Variants in ADCY6 observed in about 807,000 individuals in gnomAD.
The protein encoded by ADCY6 is adenylate cyclase type 6.
In ADCY6, 59 loss-of-function variants were observed where a neutral mutation model predicts 111.6. The observed-to-expected ratio is 0.53, with a 90% CI of 0.43 to 0.66. The LOEUF (loss-of-function observed/expected upper bound fraction) is 0.66. ADCY6 is among the 30% of genes least tolerant of loss of function. The pLI, the probability that ADCY6 is intolerant of heterozygous loss-of-function variation, is 0.00. For synonymous variants in ADCY6, 576 were observed against 642.9 expected, an observed-to-expected ratio of 0.90 and a Z score of 1.57; for missense variants, 1,242 against 1,595.6, an observed-to-expected ratio of 0.78 and a Z score of 3.78.
Position 48,776,277 on chromosome 12 carries a change from C to T in ADCY6, c.1609G>A (p.Glu537Lys), listed in dbSNP as rs767572682. The T allele has an allele frequency of 2.5e-6, 4 of 1,614,226 alleles. No homozygotes were observed. The highest frequency in any genetic ancestry group is 3.4e-6 in the Non-Finnish European group (4 of 1,180,044). Reference sequence around the variant, plus strand: ...TGCTCCTTGAGGTACGCGTTGCGCTCGCCACCACGGCCTGGCTCCACCTCG... The same window carrying T: ...TGCTCCTTGAGGTACGCGTTGCGCTTGCCACCACGGCCTGGCTCCACCTCG... ...DYEVEPGRGG[E>K]RNAYLKEQHI... The change falls in exon 8 of 22, where the codon GAG (glutamate) becomes AAG (lysine). Residue 537 changes from glutamate (E) to lysine (K), a missense_variant. Transcript: ENST00000357869. The surrounding 1 kb of genome is among the most constrained non-coding windows in gnomAD (Gnocchi z 6.1).
intron 10 of ADCY6, 108 bp from the exon 11 acceptor site, chr12:48,775,558 G>C: frequency 6.4e-7 from 1 of 1,572,346 alleles, no homozygotes; most frequent in Non-Finnish European, 8.7e-7. Flanking sequence ...GAGCCAGGGG[G>C]GTGGCTCCTG....
In ADCY6 at chr12:48,776,674, G is replaced by T; in HGVS notation, c.1377-88C>A. The T allele has an allele frequency of 6.7e-6, 10 of 1,499,366 alleles. No homozygotes were observed. Among genetic ancestry groups the T allele is most frequent in the Non-Finnish European group, 8.9e-6 (10 of 1,123,532 alleles). 92.9% of individuals were successfully genotyped at this position (1,499,366 alleles called of 1,614,324 possible). ...GGCCCTTCACTCCTCTCAGGGCCCA[G>T]CGGGCAAGGACAGACCCAGATGCAG... is the stretch of plus-strand genomic sequence containing the variant. On this transcript the variant is annotated intron_variant, in intron 6 of 21. Transcript: ENST00000357869. This position sits in a 1 kb window ranked among gnomAD's most constrained non-coding sequence, Gnocchi z 6.1.
intron 1 of ADCY6, among the ~76,000 whole-genome samples, chr12:48,787,416 C>T (rs574821485): frequency 3.3e-5 from 5 of 152,206 alleles, no homozygotes; most frequent in South Asian, 2.1e-4. Context: ...TCTGACCCCC[C>T]CCAAGGGGAT....
At position 48,776,069 on chromosome 12, in the gene ADCY6, G is replaced by A. The variant is rs1441071275; in HGVS notation, c.1700C>T (p.Ala567Val). 1.1e-5 allele frequency: 18 copies of A among 1,613,530 alleles called. No individual in the cohort carries two copies. The highest frequency in any genetic ancestry group is 1.5e-5 in the Non-Finnish European group (18 of 1,179,738). The change falls in exon 9 of 22, where the codon GCC becomes GTC. Residue 567 changes from alanine to valine, a missense_variant. Transcript: ENST00000357869. This position sits in a 1 kb window ranked among gnomAD's most constrained non-coding sequence, Gnocchi z 6.1. ...GTTGGCCCGAGTCCGCTGCAGCTTG[G>A]CCAGCATGGCCTTCTCCTCTTTCTG... Reference protein sequence around the residue: ...QKRKEEKAMLAKLQRTRANSM... With the variant: ...QKRKEEKAMLVKLQRTRANSM...
chr12:48,777,109 G>A lies in ADCY6; in HGVS notation c.1371C>T (p.Ala457=). ...CVEMGVDMIE[A]ISLVREVTGV... Reference sequence around the variant, plus strand: ...AGGAATGGGGCACTGCTTACGAGATGGCCTCAATCATGTCTACCCCCATCT... The same window carrying A: ...AGGAATGGGGCACTGCTTACGAGATAGCCTCAATCATGTCTACCCCCATCT... The change falls in exon 6 of 22, where the codon GCC becomes GCT. Residue 457 remains alanine, a synonymous_variant. Transcript: ENST00000357869. This position sits in a 1 kb window ranked among gnomAD's most constrained non-coding sequence, Gnocchi z 4.9. The A allele has an allele frequency of 6.2e-7, 1 of 1,602,358 alleles. No homozygotes were observed. Among genetic ancestry groups the A allele is most frequent in the Non-Finnish European group, 8.5e-7 (1 of 1,174,082 alleles).
Position 48,774,715 on chromosome 12 carries a change from G to A in ADCY6, c.2142C>T (p.Ile714=), listed in dbSNP as rs750393627. ...IFLLLLITVL[I]CAVYSCGSLF... ...CAGAACCACAGGAGTACACAGCACA[G>A]ATCAGCACGGTGATTAGCAGCAGCA... The change falls in exon 13 of 22, where the codon ATC becomes ATT. Residue 714 remains isoleucine, a synonymous_variant. Coordinates refer to ENST00000357869, the MANE Select transcript of ADCY6 (RefSeq NM_015270.5). 1.2e-6 allele frequency: 2 copies of A among 1,614,176 alleles called. No individual in the cohort carries two copies. The highest frequency in any genetic ancestry group is 1.7e-6 in the Non-Finnish European group (2 of 1,180,026).
intron 2 of ADCY6, among the ~76,000 whole-genome samples, chr12:48,779,971 A>G (rs1196580694): frequency 6.6e-6 from 1 of 152,146 alleles, no homozygotes; most frequent in African/African-American, 2.4e-5. Context: ...TCCAGCTCAC[A>G]GGCCCAGGAT....
chr12:48,772,687 A>C, intron 16 of ADCY6, 144 bp from the exon 17 acceptor site: 3 of 914,932 alleles, frequency 3.3e-6, no homozygotes, highest in Non-Finnish European at 3.3e-6. Context: ...ACATTAATTA[A>C]CTCATTAAGA....
At chr12:48,775,824 C>T (rs1055632734) in intron 9 of ADCY6, 126 bp from the exon 10 acceptor site, 6 of 1,509,720 alleles carry the variant, frequency 4.0e-6, no homozygotes, top group South Asian at 1.2e-5. Flanking sequence ...CACTGGGACC[C>T]GAGATGAAAT....
chr12:48,785,575 C>T (rs967181924), intron 1 of ADCY6, among the ~76,000 whole-genome samples: 9 of 152,170 alleles, frequency 5.9e-5, no homozygotes, highest in African/African-American at 1.7e-4. Flanking sequence ...GCTGAGATCA[C>T]ACCATTGCGC....
chr12:48,774,172 C>T, intron 14 of ADCY6, 74 bp from the exon 15 acceptor site: 2 of 1,423,452 alleles, frequency 1.4e-6, no homozygotes, highest in Non-Finnish European at 1.9e-6. Flanking sequence ...AAGCCATGTA[C>T]CCTAACCTGG....
chr12:48,776,419 C>T lies in ADCY6; in HGVS notation c.1535+9G>A. On this transcript the variant is annotated intron_variant, in intron 7 of 21. Transcript: ENST00000357869. This position sits in a 1 kb window ranked among gnomAD's most constrained non-coding sequence, Gnocchi z 6.1. The stretch of plus-strand genomic sequence containing the variant: ...CCCCCATCCCCCCCACCTGGACCCC[C>T]CTACTCACCCAGCCCGGCCTCCTGC... 6.2e-7 allele frequency: 1 copy of T among 1,613,398 alleles called. No individual in the cohort carries two copies. Among genetic ancestry groups the T allele is most frequent in the Middle Eastern group, 1.7e-4 (1 of 6,050 alleles).
rs1450490701 is a variant in ADCY6 at position 48,772,282 on chromosome 12, C to T, written c.2787+13G>A. On this transcript the variant is annotated intron_variant, in intron 18 of 21. Transcript: ENST00000357869. ...TAGGTTCCTCCTCTTCCCCCAAAGG[C>T]CCACACAGTCACCTGTAGTTTCCAG... The T allele has an allele frequency of 1.2e-6, 2 of 1,607,074 alleles. No individual in the cohort carries two copies. Among genetic ancestry groups the T allele is most frequent in the Non-Finnish European group, 1.7e-6 (2 of 1,176,512 alleles).
Position 48,776,204 on chromosome 12 carries a change from C to G in ADCY6, c.1677+5G>C, listed in dbSNP as rs779279724. 6.2e-7 allele frequency: 1 copy of G among 1,614,178 alleles called. No individual in the cohort carries two copies. Among genetic ancestry groups the G allele is most frequent in the Admixed American group, 1.7e-5 (1 of 60,030 alleles). ...CCCTGCCCCCAGCCCTGCCCTGGCC[C>G]TGACCCGTTTCTGGCTGGCGCCCAG... On this transcript the variant is annotated splice_donor_5th_base_variant and intron_variant, in intron 8 of 21. Transcript: ENST00000357869. This position sits in a 1 kb window ranked among gnomAD's most constrained non-coding sequence, Gnocchi z 6.1.
chr12:48,771,761 C>T lies in ADCY6; in HGVS notation c.3000G>A (p.Glu1000=). ...TGAGCAGCCGCAGGCACTCGACACC[C>T]TCATTGTTTGCCTCCAGCTCCACAT... ...EFYVELEANN[E]GVECLRLLNE... Residue 1000 remains glutamate (E), a synonymous_variant, in exon 19 of 22, where the codon GAG becomes GAA. Transcript: ENST00000357869. This position sits in a 1 kb window ranked among gnomAD's most constrained non-coding sequence, Gnocchi z 4.3. 6.2e-7 allele frequency: 1 copy of T among 1,614,216 alleles called. No individual in the cohort carries two copies. Among genetic ancestry groups the T allele is most frequent in the Non-Finnish European group, 8.5e-7 (1 of 1,180,044 alleles).
chr12:48,771,067 A>T lies in ADCY6; in HGVS notation c.3052-97T>A. 1 of 1,241,812 alleles carries T rather than the reference A, an allele frequency of 8.1e-7. No homozygotes were observed. 76.9% of individuals were successfully genotyped at this position (1,241,812 alleles called of 1,614,324 possible). On this transcript the variant is annotated intron_variant, in intron 19 of 21. Coordinates refer to ENST00000357869, the MANE Select transcript of ADCY6 (RefSeq NM_015270.5). This position sits in a 1 kb window ranked among gnomAD's most constrained non-coding sequence, Gnocchi z 4.3. The stretch of plus-strand genomic sequence containing the variant: ...TTGCCACGCCTTGGCTGCCTTCCCC[A>T]CTTCCCTGTCTCAAGAGCCCCCTTC...
chr12:48,781,819 C>T (rs1941852535), intron 2 of ADCY6, among the ~76,000 whole-genome samples: 1 of 152,202 alleles, frequency 6.6e-6, no homozygotes, highest in Admixed American at 6.5e-5. Flanking sequence ...TGGAGTCCCA[C>T]CTCACACACA....
At position 48,775,986 on chromosome 12, in the gene ADCY6, C is replaced by T; in HGVS notation, c.1783G>A (p.Asp595Asn). 1 of 1,608,680 alleles carries T rather than the reference C, an allele frequency of 6.2e-7. No homozygotes were observed. Among genetic ancestry groups the T allele is most frequent in the Non-Finnish European group, 8.5e-7 (1 of 1,177,472 alleles). ...ACCATCTGGCGGAAGGCCTTGGAGTCCTTGGTCCGGGAGAAGGCACGATCA... is the reference window on the plus strand; with the variant it reads ...ACCATCTGGCGGAAGGCCTTGGAGTTCTTGGTCCGGGAGAAGGCACGATCA... The part of the protein sequence containing the change: ...VPDRAFSRTK[D>N]SKAFRQMGID... The change falls in exon 9 of 22, where the codon GAC becomes AAC. Residue 595 changes from aspartate to asparagine, a missense_variant. By Grantham distance (23) the Asp-to-Asn change is conservative. Transcript: ENST00000357869.
Position 48,776,183 on chromosome 12 carries a change from G to A in ADCY6, c.1677+26C>T. The A allele has an allele frequency of 6.2e-7, 1 of 1,613,816 alleles. No homozygotes were observed. Among genetic ancestry groups the A allele is most frequent in the Non-Finnish European group, 8.5e-7 (1 of 1,179,942 alleles). ...CATTTGTCCCTCTTCTTGCTCCCCT[G>A]CCCCCAGCCCTGCCCTGGCCCTGAC... On this transcript the variant is annotated intron_variant, in intron 8 of 21. Transcript: ENST00000357869. The surrounding 1 kb of genome is among the most constrained non-coding windows in gnomAD (Gnocchi z 6.1).
Sources: allele counts gnomAD v4.1 joint callset (sites outside exome capture counted in the v4.1 genomes callset), GRCh38; gene constraint gnomAD v4.1.1; non-coding constraint Gnocchi (gnomAD v3.1); transcripts MANE v1.5; gene names NCBI Gene and HGNC (gene_info 2026-07-23, HGNC 2026-07-21).